The following VAV3 variants were observed in gnomAD, a reference collection of about 807,000 sequenced individuals.
VAV3 encodes vav guanine nucleotide exchange factor 3.
VAV3 carries 94 observed loss-of-function variants against 131.2 expected under a neutral mutation model. The ratio of observed to expected loss-of-function variants is 0.72; its 90% CI spans 0.61 to 0.85. The LOEUF (loss-of-function observed/expected upper bound fraction) is 0.85, where lower values mean the gene tolerates loss of function less well. Among genes scored for constraint, VAV3 ranks in the 40% least tolerant of loss-of-function variants. The pLI is 0.00. For missense variants in VAV3, 939 were observed against 1,002.7 expected (o/e 0.94, Z 0.86); for synonymous variants, 349 against 342.0 (o/e 1.02, Z -0.22).
At chr1:107,669,545 C>A (rs546594118) in intron 19 of VAV3, 137 of 1,240,604 alleles carry the variant, frequency 1.1e-4, no homozygotes, top group Admixed American at 4.8e-4. Flanking sequence ...CCATTCCTAT[C>A]TTTGATACTC....
chr1:107,743,112 G>A (rs1663121750), intron 15 of VAV3, among the ~76,000 whole-genome samples: 1 of 152,196 alleles, frequency 6.6e-6, no homozygotes, highest in South Asian at 2.1e-4. Context: ...ACTGATAGGA[G>A]ATGGGGCTGG....
At chr1:107,783,116 G>A (rs11185177) in intron 2 of VAV3, among the ~76,000 whole-genome samples, 111,376 of 152,050 alleles carry the variant, frequency 0.73, 41,112 homozygotes, top group Non-Finnish European at 0.78. Flanking sequence ...ATCCTGGATA[G>A]CATAAATAAG....
At chr1:107,771,350 T>C (rs1040815463) in intron 5 of VAV3, among the ~76,000 whole-genome samples, 2 of 151,956 alleles carry the variant, frequency 1.3e-5, no homozygotes, top group African/African-American at 4.8e-5. Context: ...CCTCCTGGGT[T>C]CACGCCATTC....
At chr1:107,613,834 A>C (rs1652936995) in intron 21 of VAV3, among the ~76,000 whole-genome samples, 1 of 152,088 alleles carries the variant, frequency 6.6e-6, no homozygotes, top group Admixed American at 6.6e-5. Context: ...TTGGGAGAAT[A>C]ATCAATGTGG....
chr1:107,765,689 G>A (rs764327322), intron 8 of VAV3, among the ~76,000 whole-genome samples: 3 of 152,144 alleles, frequency 2.0e-5, no homozygotes, highest in Non-Finnish European at 4.4e-5. Context: ...GTTCTGGACA[G>A]AAGATAACTC....
Position 107,779,427 on chromosome 1 carries a change from A to G in VAV3, c.380+7T>C. On this transcript the variant is annotated splice_region_variant and intron_variant, in intron 3 of 26. Coordinates refer to ENST00000370056, the MANE Select transcript of VAV3 (RefSeq NM_006113.5). ...TGGGACACATGAACAACGAAAACAG[A>G]GCTTACCTGATTCCTGTGGCCAATG... 1 of 1,584,156 alleles carries G rather than the reference A, an allele frequency of 6.3e-7. No individual in the cohort carries two copies. Among genetic ancestry groups the G allele is most frequent in the East Asian group, 2.3e-5 (1 of 43,480 alleles).
chr1:107,921,405 G>T (rs1214288555), intron 1 of VAV3, among the ~76,000 whole-genome samples: 5 of 152,218 alleles, frequency 3.3e-5, no homozygotes, highest in Non-Finnish European at 7.3e-5. Context: ...ACTGGGGAAA[G>T]GTAAACATGG....
At chr1:107,871,334 C>G (rs772722122) in intron 2 of VAV3, among the ~76,000 whole-genome samples, 2 of 151,436 alleles carry the variant, frequency 1.3e-5, no homozygotes, top group African/African-American at 2.4e-5. Flanking sequence ...CCCATTCCCC[C>G]CCTCTCCCCC....
intron 22 of VAV3, among the ~76,000 whole-genome samples, chr1:107,604,257 C>T (rs527864046): frequency 4.8e-4 from 73 of 152,210 alleles, no homozygotes; most frequent in Admixed American, 1.6e-3. Flanking sequence ...AAACATCCAC[C>T]TGTAATGCAA....
intron 15 of VAV3, among the ~76,000 whole-genome samples, chr1:107,714,424 C>T (rs1284196168): frequency 6.6e-6 from 1 of 152,046 alleles, no homozygotes; most frequent in Non-Finnish European, 1.5e-5. Flanking sequence ...AAAACTGATC[C>T]TTTTATACCT....
At chr1:107,925,350 T>C (rs1673097923) in intron 1 of VAV3, among the ~76,000 whole-genome samples, 1 of 152,180 alleles carries the variant, frequency 6.6e-6, no homozygotes, top group Non-Finnish European at 1.5e-5. Flanking sequence ...AATATTACAC[T>C]TTAATTTAAA....
In VAV3 at chr1:107,965,010, C is replaced by T. The variant is rs1443010371; in HGVS notation, c.-141G>A. 6.0e-6 allele frequency: 4 copies of T among 671,884 alleles called. 1 individual carries two copies. The highest frequency in any genetic ancestry group is 1.4e-4 in the South Asian group (2 of 14,270). 41.6% of individuals were successfully genotyped at this position (671,884 alleles called of 1,614,324 possible). A position where few individuals can be genotyped will look rare whatever the true frequency, so the allele number is the denominator to read the frequency against. ...CCGCGCGGGATCGAGGGAGCAGGAG[C>T]CGCGGCTGACGGGTCGCGGGCGCCG... On this transcript the variant is annotated 5_prime_UTR_variant, in exon 1 of 27. Transcript: ENST00000370056.
intron 18 of VAV3, among the ~76,000 whole-genome samples, chr1:107,686,479 G>A (rs1055922633): frequency 2.0e-4 from 31 of 152,262 alleles, no homozygotes; most frequent in African/African-American, 7.0e-4. Flanking sequence ...GAAGATTCCT[G>A]AGCAGCATAC....
At position 107,704,577 on chromosome 1, in the gene VAV3, C is replaced by G; in HGVS notation, c.1678G>C (p.Asp560His). 1 of 1,613,836 alleles carries G rather than the reference C, an allele frequency of 6.2e-7. No homozygotes were observed. The highest frequency in any genetic ancestry group is 2.2e-5 in the East Asian group (1 of 44,864). The change falls in exon 17 of 27, where the codon GAC (aspartate) becomes CAC (histidine). Residue 560 changes from aspartate to histidine, a missense_variant. Transcript: ENST00000370056. ...CCAGAATTAACTCTGCCACAATTGT[C>G]TACTCTTCCCAAACATTCTTTGTGT... ...RAHKECLGRV[D>H]NCGRVNSGEQ...
At chr1:107,875,590 G>A (rs1670458479) in intron 1 of VAV3, among the ~76,000 whole-genome samples, 1 of 152,138 alleles carries the variant, frequency 6.6e-6, no homozygotes, top group African/African-American at 2.4e-5. Context: ...GTAATGGGGG[G>A]AAAAGGAGGA....
chr1:107,915,231 G>A (rs1430199536), intron 1 of VAV3, among the ~76,000 whole-genome samples: 3 of 152,186 alleles, frequency 2.0e-5, no homozygotes, highest in African/African-American at 2.4e-5. Flanking sequence ...GTGGTAATGG[G>A]AAAAGAGTCT....
At chr1:107,861,155 A>G (rs1669718893) in intron 2 of VAV3, among the ~76,000 whole-genome samples, 1 of 151,640 alleles carries the variant, frequency 6.6e-6, no homozygotes, top group Non-Finnish European at 1.5e-5. Flanking sequence ...ATGAATCCAA[A>G]ACAGTATAGA....
chr1:107,953,675 C>T (rs1262028360), intron 1 of VAV3, among the ~76,000 whole-genome samples: 1 of 152,170 alleles, frequency 6.6e-6, no homozygotes, highest in South Asian at 2.1e-4. Context: ...GACTAGAACC[C>T]AGGTCTCCTG....
intron 1 of VAV3, among the ~76,000 whole-genome samples, chr1:107,930,933 T>C (rs1225362723): frequency 1.3e-5 from 2 of 152,110 alleles, no homozygotes; most frequent in East Asian, 1.9e-4. Context: ...TTATAATATA[T>C]AGAGGAACAA....
Sources: allele counts gnomAD v4.1 joint callset (sites outside exome capture counted in the v4.1 genomes callset), GRCh38; gene constraint gnomAD v4.1.1; transcripts MANE v1.5; gene names NCBI Gene and HGNC (gene_info 2026-07-23, HGNC 2026-07-21).